Variants in SLAMF7 observed in about 807,000 individuals in gnomAD.
SLAMF7 encodes SLAM family member 7.
SLAMF7 carries 26 observed loss-of-function variants against 34.1 expected under a neutral mutation model. That is an observed-to-expected ratio of 0.76 (90% CI 0.56 to 1.06). The LOEUF is 1.06. Ranked by LOEUF, SLAMF7 falls within the 50% of genes least tolerant of loss-of-function variation. The pLI is 0.00. For missense variants in SLAMF7, 399 were observed against 402.5 expected (o/e 0.99, Z 0.07); for synonymous variants, 171 against 156.4 (o/e 1.09, Z -0.70).
chr1:160,751,975 C>T (rs917544837), intron 5 of SLAMF7: 2 of 391,636 alleles, frequency 5.1e-6, no homozygotes, highest in African/African-American at 4.2e-5. Flanking sequence ...GTAATGGCTT[C>T]CTGAAAAAAG....
intron 1 of SLAMF7, among the ~76,000 whole-genome samples, chr1:160,744,823 T>C (rs1664009850): frequency 6.6e-6 from 1 of 152,172 alleles, no homozygotes; most frequent in Non-Finnish European, 1.5e-5. Context: ...GCTGTTGAAG[T>C]AAAAGAACAA....
chr1:160,742,207 G>A (rs1341932889), intron 1 of SLAMF7, among the ~76,000 whole-genome samples: 3 of 152,144 alleles, frequency 2.0e-5, no homozygotes, highest in African/African-American at 7.2e-5. Flanking sequence ...GGAAAGGAAG[G>A]TGACAAAGGG....
chr1:160,752,706 C>T lies in SLAMF7; in HGVS notation c.937-400C>T, dbSNP rs189121566. 3.9e-5 allele frequency among the ~76,000 whole-genome samples: 6 copies of T among 152,306 alleles called. No homozygotes were observed. In the East Asian group the frequency reaches 1.2e-3, roughly 29 times the overall value. Reference sequence around the variant, plus strand: ...TTGCACCCTCCCCTCAGTTAAACTACTAATGCAGTAGCTTTAAGGCTTATT... The same window carrying T: ...TTGCACCCTCCCCTCAGTTAAACTATTAATGCAGTAGCTTTAAGGCTTATT... On this transcript the variant is annotated intron_variant, in intron 6 of 6. Transcript: ENST00000368043.
intron 5 of SLAMF7, chr1:160,751,700 T>C: frequency 2.4e-6 from 1 of 413,092 alleles, no homozygotes; most frequent in Non-Finnish European, 4.4e-6. Flanking sequence ...CCTGCTCCCC[T>C]CCACAGTTCA....
rs545278266 is a variant in SLAMF7 at position 160,749,587 on chromosome 1, TTATTATTTC to T, written c.377-220_377-212del. Among the ~76,000 whole-genome samples the T allele has an allele frequency of 7.4e-4, 113 of 152,332 alleles. 1 individual carries two copies. In the South Asian group the frequency reaches 0.012, roughly 16 times the overall value. On this transcript the variant is annotated intron_variant, in intron 2 of 6. Coordinates refer to ENST00000368043, the MANE Select transcript of SLAMF7 (RefSeq NM_021181.5). The stretch of plus-strand genomic sequence containing the variant: ...AAATGACAGTTATATTCTTATTGCA[TTATTATTTC>T]TATTATTTCTATTGTTGTTATTGTT...
At chr1:160,748,742 C>T (rs955951723) in intron 2 of SLAMF7, among the ~76,000 whole-genome samples, 3 of 152,172 alleles carry the variant, frequency 2.0e-5, no homozygotes, top group African/African-American at 4.8e-5. Context: ...CAGTGGCCAT[C>T]GCATAGATCA....
chr1:160,751,856 C>CTA (rs1664634529), intron 5 of SLAMF7: 6 of 45,574 alleles, frequency 1.3e-4, no homozygotes, highest in Non-Finnish European at 2.0e-4. Context: ...CTCTCTCTCT[C>CTA]TCTCTCTATA....
chr1:160,740,405 T>C (rs80174303), intron 1 of SLAMF7, among the ~76,000 whole-genome samples: 4,460 of 152,092 alleles, frequency 0.029, 128 homozygotes, highest in African/African-American at 0.077. Flanking sequence ...CAGGTGTCCA[T>C]CTGAAATCAG....
Position 160,744,069 on chromosome 1 carries a change from T to C in SLAMF7, c.56-4125T>C, listed in dbSNP as rs1359716562. 2.0e-4 allele frequency among the ~76,000 whole-genome samples: 31 copies of C among 152,194 alleles called. 1 individual carries two copies. Among genetic ancestry groups the C allele is most frequent in the Admixed American group, 2.0e-3 (31 of 15,278 alleles). ...GTAAGTGCCAGAATTATGACTGTCT[T>C]GCTCCCCAGTTATACCCTCAGCTCC... On this transcript the variant is annotated intron_variant, in intron 1 of 6. Coordinates refer to ENST00000368043, the MANE Select transcript of SLAMF7 (RefSeq NM_021181.5).
rs746092187 is a variant in SLAMF7, at chr1:160,739,251, T to C, written c.-51T>C. On this transcript the variant is annotated 5_prime_UTR_variant, in exon 1 of 7. Coordinates refer to ENST00000368043, the MANE Select transcript of SLAMF7 (RefSeq NM_021181.5). ...TCAGCTGGGGAAGAGGTCTGAGTAA[T>C]ACCTAAGAGGGAAGTGGCTTCATTT... The C allele has an allele frequency of 3.9e-6, 6 of 1,539,874 alleles. No homozygotes were observed. The highest frequency in any genetic ancestry group is 5.4e-6 in the Non-Finnish European group (6 of 1,112,452).
At position 160,752,148 on chromosome 1, in the gene SLAMF7, GGT is replaced by G. The variant is rs757333992; in HGVS notation, c.874-36_874-35del. ...CCTTGTCTATGTGATTCAGGAGGTG[GGT>G]GATGATTTCTTTTGTTTGTTGTTTG... On this transcript the variant is annotated intron_variant, in intron 5 of 6. Transcript: ENST00000368043. The G allele has an allele frequency of 2.0e-6, 3 of 1,522,666 alleles. No individual in the cohort carries two copies. In the East Asian group the frequency reaches 6.8e-5, roughly 34 times the overall value. 94.3% of individuals were successfully genotyped at this position (1,522,666 alleles called of 1,614,324 possible).
At chr1:160,752,676 C>G (rs1313723909) in intron 6 of SLAMF7, among the ~76,000 whole-genome samples, 1 of 152,184 alleles carries the variant, frequency 6.6e-6, no homozygotes, top group Non-Finnish European at 1.5e-5. Context: ...TATGTTACAT[C>G]TGCTTTGCAC....
chr1:160,743,244 G>T (rs147097364), intron 1 of SLAMF7, among the ~76,000 whole-genome samples: 4 of 152,236 alleles, frequency 2.6e-5, no homozygotes, highest in African/African-American at 4.8e-5. Context: ...AGAGTTGGAG[G>T]CTTCCTCAGG....
Position 160,753,390 on chromosome 1 carries a change from T to A in SLAMF7, c.*213T>A. On this transcript the variant is annotated 3_prime_UTR_variant, in exon 7 of 7. Transcript: ENST00000368043. The stretch of plus-strand genomic sequence containing the variant: ...GAGAAATCTCCTCAAACCCAGAAGG[T>A]TTAATCACTTCATCCCAAAAATGGG... The A allele has an allele frequency of 1.8e-6, 1 of 555,230 alleles. No individual in the cohort carries two copies. Among genetic ancestry groups the A allele is most frequent in the Non-Finnish European group, 3.2e-6 (1 of 314,352 alleles). The allele number at this position is 555,230 out of a possible 1,614,324, so 34.4% of individuals were successfully genotyped here.
intron 4 of SLAMF7, 187 bp downstream of exon 4, chr1:160,750,610 A>G: frequency 1.6e-6 from 1 of 616,498 alleles, no homozygotes. Context: ...TGGAGTAGAG[A>G]AAGTGCTGGA....
At chr1:160,743,971 A>T (rs1571108468) in intron 1 of SLAMF7, among the ~76,000 whole-genome samples, 1 of 152,150 alleles carries the variant, frequency 6.6e-6, no homozygotes, top group Non-Finnish European at 1.5e-5. Context: ...TTACAGGCAT[A>T]AGCCACCAAT....
intron 5 of SLAMF7, 159 bp from the exon 6 acceptor site, chr1:160,752,027 T>C: frequency 1.8e-6 from 1 of 569,644 alleles, no homozygotes; most frequent in East Asian, 2.9e-5. Flanking sequence ...ACAAGAGAAC[T>C]TCCTACCTCC....
chr1:160,752,034 C>T (rs1664674705), intron 5 of SLAMF7, 152 bp from the exon 6 acceptor site: 1 of 584,308 alleles, frequency 1.7e-6, no homozygotes, highest in East Asian at 2.9e-5. Context: ...AACTTCCTAC[C>T]TCCCTTCCCT....
chr1:160,750,397 G>C lies in SLAMF7; in HGVS notation c.743G>C (p.Trp248Ser), dbSNP rs370138407. ...LSLFVLGLFL[W>S]FLKRERQEEY... ...CTCTTTGTACTGGGGCTATTTCTTTGGTTTCTGAAGAGAGAGAGACAAGAA... is the reference window on the plus strand; with the variant it reads ...CTCTTTGTACTGGGGCTATTTCTTTCGTTTCTGAAGAGAGAGAGACAAGAA... The change falls in exon 4 of 7, where the codon TGG (tryptophan) becomes TCG (serine). Residue 248 changes from tryptophan to serine, a missense_variant. By Grantham distance (177) the Trp-to-Ser change is radical. Transcript: ENST00000368043. 2 of 1,613,902 alleles carry C rather than the reference G, an allele frequency of 1.2e-6. No homozygotes were observed. The highest frequency in any genetic ancestry group is 1.7e-6 in the Non-Finnish European group (2 of 1,179,888).
Sources: allele counts gnomAD v4.1 joint callset (sites outside exome capture counted in the v4.1 genomes callset), GRCh38; gene constraint gnomAD v4.1.1; transcripts MANE v1.5; gene names NCBI Gene and HGNC (gene_info 2026-07-23, HGNC 2026-07-21).